NEGR1: variants seen among roughly 807,000 people sequenced by gnomAD.
NEGR1 encodes neuronal growth regulator 1.
NEGR1 carries 10 observed loss-of-function variants against 40.9 expected under a neutral mutation model. That is an observed-to-expected ratio of 0.24 (90% CI 0.15 to 0.42). The LOEUF (loss-of-function observed/expected upper bound fraction) is 0.42. NEGR1 is among the 10% of genes least tolerant of loss of function. NEGR1 has a pLI of 1.00. For synonymous variants in NEGR1, 185 were observed against 166.8 expected (o/e 1.11, Z -0.84); for missense variants, 352 against 438.9 (o/e 0.80, Z 1.77).
At chr1:71,505,542 A>C (rs1647026507) in intron 6 of NEGR1, among the ~76,000 whole-genome samples, 1 of 151,680 alleles carries the variant, frequency 6.6e-6, no homozygotes, top group Non-Finnish European at 1.5e-5. Context: ...CAGCCTCCCA[A>C]AGTGCTGGGA....
In NEGR1 at chr1:72,044,911, T is replaced by C. The variant is rs375507535; in HGVS notation, c.177-109600A>G. 6.6e-5 allele frequency among the ~76,000 whole-genome samples: 10 copies of C among 151,856 alleles called. No homozygotes were observed. In the East Asian group the frequency reaches 1.2e-3, roughly 18 times the overall value. ...GAGGAAATTCAGCATTACTTCATAATAATACATATCCGAGGTCATGCTTGT... is the reference window on the plus strand; with the variant it reads ...GAGGAAATTCAGCATTACTTCATAACAATACATATCCGAGGTCATGCTTGT... On this transcript the variant is annotated intron_variant, in intron 1 of 6. Transcript: ENST00000357731.
chr1:72,185,828 G>A (rs1218430769), intron 1 of NEGR1, among the ~76,000 whole-genome samples: 1 of 151,592 alleles, frequency 6.6e-6, no homozygotes, highest in Non-Finnish European at 1.5e-5. Flanking sequence ...AAGTTGTCCC[G>A]CACCCAATGC....
intron 4 of NEGR1, among the ~76,000 whole-genome samples, chr1:71,646,541 T>C (rs1651536797): frequency 6.6e-6 from 1 of 151,842 alleles, no homozygotes; most frequent in South Asian, 2.1e-4. Context: ...AACACATTAG[T>C]TCATCCTGGC....
chr1:71,723,255 G>T (rs1264971191), intron 3 of NEGR1, among the ~76,000 whole-genome samples: 2 of 151,974 alleles, frequency 1.3e-5, no homozygotes, highest in South Asian at 2.1e-4. Context: ...TTTGTCCCCA[G>T]TTTCTGGCAC....
rs140153901 is a variant in NEGR1, at chr1:71,605,480, T to C, written c.788+5546A>G. 1.2e-3 allele frequency among the ~76,000 whole-genome samples: 184 copies of C among 152,300 alleles called. 1 individual carries two copies. Among genetic ancestry groups the C allele is most frequent in the Non-Finnish European group, 1.5e-3 (105 of 68,012 alleles). On this transcript the variant is annotated intron_variant, in intron 5 of 6. Coordinates refer to ENST00000357731, the MANE Select transcript of NEGR1 (RefSeq NM_173808.3). ...TACCATCTTCACAAAGTAATACCAA[T>C]CCATGTTTTTGTAATACCTATTGAA...
In NEGR1 at chr1:72,221,474, G is replaced by A. The variant is rs79743034; in HGVS notation, c.176+60845C>T. On this transcript the variant is annotated intron_variant, in intron 1 of 6. Coordinates refer to ENST00000357731, the MANE Select transcript of NEGR1 (RefSeq NM_173808.3). Reference sequence around the variant, plus strand: ...GTTTATGTATTAAATAGACTTCTTCGGGAAGCATGAGCAATAACAAAATCA... The same window carrying A: ...GTTTATGTATTAAATAGACTTCTTCAGGAAGCATGAGCAATAACAAAATCA... Among the ~76,000 whole-genome samples, 32 of 151,954 alleles carry A rather than the reference G, an allele frequency of 2.1e-4. No homozygotes were observed. In the East Asian group the frequency reaches 5.6e-3, roughly 27 times the overall value.
chr1:72,053,500 T>C (rs978369836), intron 1 of NEGR1, among the ~76,000 whole-genome samples: 1 of 151,226 alleles, frequency 6.6e-6, no homozygotes, highest in Non-Finnish European at 1.5e-5. Flanking sequence ...AGAATCTATA[T>C]AGCATAAAGA....
intron 1 of NEGR1, among the ~76,000 whole-genome samples, chr1:72,045,380 G>A (rs1298479356): frequency 6.6e-6 from 1 of 151,696 alleles, no homozygotes; most frequent in Admixed American, 6.6e-5. Flanking sequence ...GATATGGTTG[G>A]GCTCTGTGTC....
chr1:71,938,410 G>GTTTT (rs571760372), intron 1 of NEGR1, among the ~76,000 whole-genome samples: 2 of 109,888 alleles, frequency 1.8e-5, no homozygotes, highest in African/African-American at 3.4e-5. Context: ...ATGTGTAGGT[G>GTTTT]TTTTTTTTTT....
intron 1 of NEGR1, among the ~76,000 whole-genome samples, chr1:72,198,963 C>T (rs1653100549): frequency 1.3e-5 from 2 of 151,902 alleles, no homozygotes; most frequent in African/African-American, 4.8e-5. Context: ...CTAATGTTAA[C>T]ATCATATATC....
intron 5 of NEGR1, among the ~76,000 whole-genome samples, chr1:71,598,631 C>T (rs546283932): frequency 6.6e-6 from 1 of 152,156 alleles, no homozygotes; most frequent in Non-Finnish European, 1.5e-5. Context: ...GTTTTTCTTC[C>T]TCTAGGTTCA....
At chr1:71,707,643 G>C (rs1034510793) in intron 3 of NEGR1, among the ~76,000 whole-genome samples, 1 of 152,148 alleles carries the variant, frequency 6.6e-6, no homozygotes, top group Non-Finnish European at 1.5e-5. Flanking sequence ...CCCCAGGGCT[G>C]TGAGTGAACA....
chr1:71,875,170 A>G lies in NEGR1; in HGVS notation c.409+59909T>C, dbSNP rs571697278. 2.0e-5 allele frequency among the ~76,000 whole-genome samples: 3 copies of G among 152,270 alleles called. No individual in the cohort carries two copies. In the East Asian group the frequency reaches 5.8e-4, roughly 29 times the overall value. ...CCAAGTTTTTCGTTTCTATAAAAGT[A>G]TACTTATATTACATCACAAATGCAA... On this transcript the variant is annotated intron_variant, in intron 2 of 6. Transcript: ENST00000357731.
At chr1:72,277,144 C>T (rs931032660) in intron 1 of NEGR1, among the ~76,000 whole-genome samples, 1 of 152,138 alleles carries the variant, frequency 6.6e-6, no homozygotes, top group Non-Finnish European at 1.5e-5. Context: ...GACTACTTTC[C>T]ATTGGCTAAC....
At chr1:72,002,480 A>T (rs2630411) in intron 1 of NEGR1, among the ~76,000 whole-genome samples, 80,854 of 151,808 alleles carry the variant, frequency 0.53, 22,802 homozygotes, top group African/African-American at 0.71. Context: ...AAGCAGGAAC[A>T]GTTCCATCCA....
At chr1:71,426,815 T>A (rs965796941) in intron 6 of NEGR1, among the ~76,000 whole-genome samples, 17 of 151,454 alleles carry the variant, frequency 1.1e-4, no homozygotes, top group African/African-American at 3.9e-4. Flanking sequence ...ATGTGAGATT[T>A]AAAAAAAAAT....
At chr1:72,129,225 G>A (rs994921087) in intron 1 of NEGR1, among the ~76,000 whole-genome samples, 25 of 152,150 alleles carry the variant, frequency 1.6e-4, no homozygotes, top group African/African-American at 5.8e-4. Flanking sequence ...AGTAATATAA[G>A]CATATTCAGT....
chr1:71,399,210 C>A lies in NEGR1; in HGVS notation c.*8236G>T, dbSNP rs186308565. The A allele has an allele frequency of 3.4e-4, 52 of 151,852 alleles. No individual in the cohort carries two copies. The highest frequency in any genetic ancestry group is 3.0e-3 in the Admixed American group (46 of 15,252). 9.4% of individuals were successfully genotyped at this position (151,852 alleles called of 1,614,324 possible). Reference sequence around the variant, plus strand: ...AATGAGAGAGCAGGAATTCTGAACACACATACTAGTTTATCTATAAATTAG... The same window carrying A: ...AATGAGAGAGCAGGAATTCTGAACAAACATACTAGTTTATCTATAAATTAG... On this transcript the variant is annotated 3_prime_UTR_variant, in exon 7 of 7. Coordinates refer to ENST00000357731, the MANE Select transcript of NEGR1 (RefSeq NM_173808.3).
intron 1 of NEGR1, among the ~76,000 whole-genome samples, chr1:72,264,725 A>T (rs1438482742): frequency 6.6e-6 from 1 of 150,882 alleles, no homozygotes; most frequent in Non-Finnish European, 1.5e-5. Context: ...TTTTAATGAC[A>T]GAAAATACAG....
Sources: gnomAD v4.1 joint callset for allele counts (sites outside exome capture counted in the v4.1 genomes callset) on GRCh38, gnomAD v4.1.1 for gene constraint, MANE v1.5 for transcripts, NCBI Gene and HGNC (gene_info 2026-07-23, HGNC 2026-07-21) for gene names.